PTPRD: variants seen among roughly 807,000 people sequenced by gnomAD.
The protein encoded by PTPRD is protein tyrosine phosphatase receptor type D, also known as receptor-type tyrosine-protein phosphatase delta.
PTPRD carries 34 observed loss-of-function variants against 214.5 expected under a neutral mutation model. The ratio of observed to expected loss-of-function variants is 0.16; its 90% CI spans 0.12 to 0.21. The LOEUF (loss-of-function observed/expected upper bound fraction) is 0.21, where lower values mean the gene tolerates loss of function less well. Ranked by LOEUF, PTPRD falls within the 10% of genes least tolerant of loss-of-function variation. The probability of loss-of-function intolerance (pLI) is 1.00; values close to 1 mark genes in which losing one functional copy is unlikely to be tolerated. For missense variants in PTPRD, 2,545 were observed against 2,398.7 expected, an observed-to-expected ratio of 1.06 and a Z score of -1.27; for synonymous variants, 1,128 against 845.7, an observed-to-expected ratio of 1.33 and a Z score of -5.79.
At chr9:8,695,502 CAAT>C (rs2154385634) in intron 12 of PTPRD, among the ~76,000 whole-genome samples, 1 of 151,534 alleles carries the variant, frequency 6.6e-6, no homozygotes, top group Non-Finnish European at 1.5e-5. Context: ...AGGCAAACAA[CAAT>C]GTCTGTCAAT....
chr9:10,588,673 T>C (rs2074598456), intron 2 of PTPRD, among the ~76,000 whole-genome samples: 1 of 152,012 alleles, frequency 6.6e-6, no homozygotes, highest in Non-Finnish European at 1.5e-5. Context: ...TTACTAAGTA[T>C]ATTTCAATAT....
chr9:8,662,668 T>C (rs1335041403), intron 12 of PTPRD, among the ~76,000 whole-genome samples: 1 of 152,148 alleles, frequency 6.6e-6, no homozygotes, highest in African/African-American at 2.4e-5. Context: ...TAGGCCCCAA[T>C]ACTCCCTACT....
chr9:9,678,137 T>C (rs1319886109), intron 7 of PTPRD, among the ~76,000 whole-genome samples: 1 of 152,036 alleles, frequency 6.6e-6, no homozygotes, highest in African/African-American at 2.4e-5. Context: ...AAAATGGCCA[T>C]ACTGCCCAAG....
At chr9:10,000,058 C>T (rs952983193) in intron 4 of PTPRD, among the ~76,000 whole-genome samples, 9 of 152,102 alleles carry the variant, frequency 5.9e-5, no homozygotes, top group East Asian at 5.8e-4. Flanking sequence ...GTTATTTAGC[C>T]ACCGAATAAT....
chr9:8,438,209 C>T (rs1380945030), intron 34 of PTPRD, among the ~76,000 whole-genome samples: 1 of 152,144 alleles, frequency 6.6e-6, no homozygotes, highest in East Asian at 1.9e-4. Flanking sequence ...AAAAGTCACC[C>T]AGTAAGTTCC....
chr9:9,579,041 T>G (rs865977424), intron 7 of PTPRD, among the ~76,000 whole-genome samples: 1 of 152,082 alleles, frequency 6.6e-6, no homozygotes, highest in African/African-American at 2.4e-5. Flanking sequence ...ATCCAAGGAG[T>G]CTTGCTTCAG....
At chr9:10,223,682 T>C (rs1218920430) in intron 3 of PTPRD, among the ~76,000 whole-genome samples, 33 of 136,044 alleles carry the variant, frequency 2.4e-4, no homozygotes, top group African/African-American at 7.7e-4. Flanking sequence ...ATAATAATAA[T>C]AATAATAATA....
intron 8 of PTPRD, among the ~76,000 whole-genome samples, chr9:9,459,994 G>C (rs528587512): frequency 6.6e-6 from 1 of 152,104 alleles, no homozygotes; most frequent in East Asian, 1.9e-4. Context: ...TACAAAAATA[G>C]ACACATCGAT....
chr9:8,986,425 T>C lies in PTPRD; in HGVS notation c.-104+32272A>G, dbSNP rs2099345423. Reference sequence around the variant, plus strand: ...AGTTGTTTTCATTTTGTATAATTTTTTGTGTTTTAAAATATATATATTATA... The same window carrying C: ...AGTTGTTTTCATTTTGTATAATTTTCTGTGTTTTAAAATATATATATTATA... On this transcript the variant is annotated intron_variant, in intron 11 of 45. Transcript: ENST00000381196. Among the ~76,000 whole-genome samples the C allele has an allele frequency of 3.3e-5, 5 of 151,888 alleles. No individual in the cohort carries two copies. The South Asian group carries it at 1.0e-3, about 31-fold the overall frequency.
chr9:9,521,140 C>T (rs1015804881), intron 8 of PTPRD, among the ~76,000 whole-genome samples: 106 of 152,312 alleles, frequency 7.0e-4, no homozygotes, highest in African/African-American at 2.5e-3. Flanking sequence ...AACCTGTTCT[C>T]TGGCTGCTTG....
At chr9:10,090,975 T>C (rs1453291147) in intron 3 of PTPRD, among the ~76,000 whole-genome samples, 1 of 142,318 alleles carries the variant, frequency 7.0e-6, no homozygotes, top group Non-Finnish European at 1.5e-5. Flanking sequence ...TGTGGTAGAG[T>C]AACTGTCCAG....
intron 4 of PTPRD, among the ~76,000 whole-genome samples, chr9:10,002,541 C>A (rs2096351851): frequency 6.6e-6 from 1 of 150,680 alleles, no homozygotes; most frequent in African/African-American, 2.4e-5. Context: ...GTGTCTACAG[C>A]TACTATCAGA....
At chr9:8,885,759 T>C (rs963640623) in intron 11 of PTPRD, among the ~76,000 whole-genome samples, 9 of 152,042 alleles carry the variant, frequency 5.9e-5, no homozygotes, top group African/African-American at 1.9e-4. Context: ...GGTCTCCCAA[T>C]GTGCTGGGAT....
chr9:10,250,669 A>G (rs2092683477), intron 3 of PTPRD, among the ~76,000 whole-genome samples: 1 of 152,012 alleles, frequency 6.6e-6, no homozygotes, highest in Non-Finnish European at 1.5e-5. Context: ...AAAAATAGAT[A>G]ATTTTTTATC....
chr9:8,556,624 A>G (rs1484101294), intron 14 of PTPRD, among the ~76,000 whole-genome samples: 5 of 151,958 alleles, frequency 3.3e-5, no homozygotes, highest in Admixed American at 2.0e-4. Flanking sequence ...TTTCTTTCCT[A>G]TCCAAGGAGT....
chr9:9,455,197 C>A (rs1181784175), intron 8 of PTPRD, among the ~76,000 whole-genome samples: 1 of 151,428 alleles, frequency 6.6e-6, no homozygotes. Context: ...CTAAGTAACC[C>A]TCTTTTTTTG....
At chr9:10,352,736 G>A (rs1292494527) in intron 2 of PTPRD, among the ~76,000 whole-genome samples, 1 of 151,868 alleles carries the variant, frequency 6.6e-6, no homozygotes, top group Non-Finnish European at 1.5e-5. Flanking sequence ...TATTTCTATT[G>A]CTCTATATAC....
At chr9:9,779,399 C>T (rs2098825770) in intron 5 of PTPRD, among the ~76,000 whole-genome samples, 2 of 152,076 alleles carry the variant, frequency 1.3e-5, no homozygotes, top group Non-Finnish European at 2.9e-5. Flanking sequence ...AAGAAACTAT[C>T]AACAGAATAA....
intron 9 of PTPRD, among the ~76,000 whole-genome samples, chr9:9,200,978 T>C (rs979165737): frequency 2.0e-5 from 3 of 152,168 alleles, no homozygotes; most frequent in South Asian, 2.1e-4. Flanking sequence ...GCTGCAAATA[T>C]CTTAAATTCT....
Sources: gnomAD v4.1 joint callset for allele counts (sites outside exome capture counted in the v4.1 genomes callset) on GRCh38, gnomAD v4.1.1 for gene constraint, MANE v1.5 for transcripts, NCBI Gene and HGNC (gene_info 2026-07-23, HGNC 2026-07-21) for gene names.